The following SORCS1 variants were observed in gnomAD, a reference collection of about 807,000 sequenced individuals.
The protein encoded by SORCS1 is sortilin related VPS10 domain containing receptor 1, also known as VPS10 domain-containing receptor SorCS1.
SORCS1 carries 60 observed loss-of-function variants against 146.1 expected under a neutral mutation model. That is an observed-to-expected ratio of 0.41 (90% CI 0.33 to 0.51). The LOEUF is 0.51. SORCS1 is among the 20% of genes least tolerant of loss of function. The pLI is 0.21. For synonymous variants in SORCS1, 637 were observed against 584.0 expected (o/e 1.09, Z -1.31); for missense variants, 1,352 against 1,487.6 (o/e 0.91, Z 1.50).
intron 2 of SORCS1, among the ~76,000 whole-genome samples, chr10:106,929,591 A>C (rs1953281600): frequency 6.6e-6 from 1 of 152,150 alleles, no homozygotes; most frequent in African/African-American, 2.4e-5. Context: ...CAACCAAAAA[A>C]CGCCTACATT....
the SORCS1 span, among the ~76,000 whole-genome samples, chr10:107,175,309 G>A: frequency 6.6e-6 from 1 of 152,124 alleles, no homozygotes; most frequent in Non-Finnish European, 1.5e-5. Flanking sequence ...ATATTCTGGG[G>A]GAGTTCGTGT....
the SORCS1 span, among the ~76,000 whole-genome samples, chr10:107,180,222 A>G: frequency 2.0e-5 from 3 of 152,228 alleles, no homozygotes; most frequent in African/African-American, 7.2e-5. Context: ...GGCTTGAACA[A>G]ACATCTTCAG....
chr10:106,850,603 C>T (rs1251078060), intron 2 of SORCS1, among the ~76,000 whole-genome samples: 1 of 152,156 alleles, frequency 6.6e-6, no homozygotes, highest in Non-Finnish European at 1.5e-5. Flanking sequence ...GCCATCTTGG[C>T]TCCTCCCTGA....
chr10:106,733,078 A>AG (rs1320930118), intron 5 of SORCS1, among the ~76,000 whole-genome samples: 2 of 148,730 alleles, frequency 1.3e-5, no homozygotes, highest in African/African-American at 5.0e-5. Context: ...GCTGTACTCT[A>AG]GCATGGGCGA....
intron 1 of SORCS1, among the ~76,000 whole-genome samples, chr10:107,055,199 T>C (rs1394446876): frequency 6.6e-6 from 1 of 152,196 alleles, no homozygotes; most frequent in Non-Finnish European, 1.5e-5. Flanking sequence ...TTCTAGTTTA[T>C]TTTGCCTACA....
At chr10:106,747,401 C>A (rs1424022213) in intron 5 of SORCS1, among the ~76,000 whole-genome samples, 1 of 152,176 alleles carries the variant, frequency 6.6e-6, no homozygotes, top group Admixed American at 6.5e-5. Context: ...GAGATTCCTG[C>A]AAGTCATAGG....
At chr10:106,579,344 G>A (rs1230868036) in intron 25 of SORCS1, 25 bp downstream of exon 25, 5 of 1,613,862 alleles carry the variant, frequency 3.1e-6, no homozygotes, top group East Asian at 2.2e-5. Flanking sequence ...CAGGGGTGGG[G>A]GAACGTGGAT....
chr10:106,916,492 T>C (rs904516467), intron 2 of SORCS1, among the ~76,000 whole-genome samples: 2 of 148,080 alleles, frequency 1.4e-5, no homozygotes, highest in Non-Finnish European at 3.0e-5. Flanking sequence ...ATTATATACA[T>C]ATATAATTAT....
intron 2 of SORCS1, among the ~76,000 whole-genome samples, chr10:106,921,856 T>C (rs187639177): frequency 6.6e-6 from 1 of 152,230 alleles, no homozygotes; most frequent in African/African-American, 2.4e-5. Flanking sequence ...TTCTTTGCTA[T>C]GTTGCCTGCA....
chr10:106,959,828 A>T (rs1023905901), intron 1 of SORCS1, among the ~76,000 whole-genome samples: 1 of 152,198 alleles, frequency 6.6e-6, no homozygotes, highest in African/African-American at 2.4e-5. Context: ...GAACTTTTCA[A>T]TTAAGTGAAA....
chr10:106,976,078 AGAGGTTTCAGTGAGCC>A (rs1214599304), intron 1 of SORCS1, among the ~76,000 whole-genome samples: 2 of 149,314 alleles, frequency 1.3e-5, no homozygotes, highest in Non-Finnish European at 3.0e-5. Flanking sequence ...CCCGGGAGGC[AGAGGTTTCAGTGAGCC>A]GAGATCATGC....
In SORCS1 at chr10:106,654,142, T is replaced by C. The variant is rs1264789927; in HGVS notation, c.2304-1589A>G. ...GGTACAGCTTACTTCTTGTCTTCTC[T>C]AAGACAATTTCCCTGAATATAAGAG... On this transcript the variant is annotated intron_variant, in intron 17 of 25. Transcript: ENST00000263054. 2.0e-5 allele frequency among the ~76,000 whole-genome samples: 3 copies of C among 152,220 alleles called. No homozygotes were observed. In the East Asian group the frequency reaches 5.8e-4, roughly 29 times the overall value.
intron 12 of SORCS1, 122 bp from the exon 13 acceptor site, chr10:106,677,526 C>A: frequency 1.2e-6 from 1 of 815,800 alleles, no homozygotes; most frequent in Middle Eastern, 2.3e-4. Flanking sequence ...TTCCCTAAAT[C>A]TTTGCGAAAA....
intron 3 of SORCS1, among the ~76,000 whole-genome samples, chr10:106,780,663 C>A (rs1860818316): frequency 6.6e-6 from 1 of 152,178 alleles, no homozygotes; most frequent in Non-Finnish European, 1.5e-5. Context: ...CCTCGCTGTT[C>A]TACTTGAGGC....
chr10:107,006,486 G>A (rs1254588184), intron 1 of SORCS1, among the ~76,000 whole-genome samples: 2 of 152,174 alleles, frequency 1.3e-5, no homozygotes, highest in Non-Finnish European at 2.9e-5. Flanking sequence ...TTTCTGGAAG[G>A]CAAAAGAAAT....
intron 1 of SORCS1, among the ~76,000 whole-genome samples, chr10:107,140,011 G>T (rs377541232): frequency 5.3e-5 from 8 of 152,182 alleles, no homozygotes; most frequent in African/African-American, 1.7e-4. Context: ...TGGGCCTCCA[G>T]TGATTATCTA....
intron 1 of SORCS1, among the ~76,000 whole-genome samples, chr10:107,120,494 G>A (rs904855599): frequency 3.3e-5 from 5 of 152,134 alleles, no homozygotes; most frequent in Non-Finnish European, 5.9e-5. Context: ...AGAGGACATC[G>A]AGACTAAGCA....
chr10:106,682,812 G>A (rs1273710617), intron 10 of SORCS1, among the ~76,000 whole-genome samples: 1 of 152,160 alleles, frequency 6.6e-6, no homozygotes, highest in African/African-American at 2.4e-5. Flanking sequence ...CTGTTCCAAA[G>A]GCAGTTCTCT....
intron 1 of SORCS1, among the ~76,000 whole-genome samples, chr10:107,087,449 G>A (rs7086426): frequency 0.21 from 32,256 of 152,086 alleles, 3,680 homozygotes; most frequent in Middle Eastern, 0.41. Flanking sequence ...ATACATCTAC[G>A]TTGATTGGTT....
Sources: allele counts gnomAD v4.1 joint callset (sites outside exome capture counted in the v4.1 genomes callset), GRCh38; gene constraint gnomAD v4.1.1; transcripts MANE v1.5; gene names NCBI Gene and HGNC (gene_info 2026-07-23, HGNC 2026-07-21).